Variants in CSMD1 observed in about 807,000 individuals in gnomAD.
The protein encoded by CSMD1 is CUB and sushi domain-containing protein 1.
A neutral mutation model predicts 417.5 loss-of-function variants in CSMD1; 213 were observed. The observed-to-expected ratio is 0.51, with a 90% CI of 0.46 to 0.57. The LOEUF (loss-of-function observed/expected upper bound fraction) is 0.57. CSMD1 is among the 20% of genes least tolerant of loss of function. The pLI is 0.00. For synonymous variants in CSMD1, 2,862 were observed against 1,736.8 expected (o/e 1.65, Z -16.11); for missense variants, 6,923 against 4,529.7 (o/e 1.53, Z -15.17).
At chr8:4,382,316 T>C (rs150753367) in intron 3 of CSMD1, among the ~76,000 whole-genome samples, 8 of 152,354 alleles carry the variant, frequency 5.3e-5, no homozygotes, top group East Asian at 1.9e-4. Flanking sequence ...AGAGGAGTTA[T>C]ATGTGCACTT....
intron 3 of CSMD1, among the ~76,000 whole-genome samples, chr8:4,130,600 T>C (rs1803039543): frequency 6.6e-6 from 1 of 152,160 alleles, no homozygotes; most frequent in South Asian, 2.1e-4. Context: ...CAAAATTGTA[T>C]TACGCTCTTG....
intron 3 of CSMD1, among the ~76,000 whole-genome samples, chr8:4,205,923 C>G (rs183468010): frequency 1.3e-5 from 2 of 152,152 alleles, no homozygotes. Context: ...CCTGCAGCCA[C>G]GTTTTTCTGA....
In CSMD1 at chr8:4,790,467, T is replaced by A. The variant is rs187590574; in HGVS notation, c.86-152909A>T. Among the ~76,000 whole-genome samples, 1,075 of 152,150 alleles carry A rather than the reference T, an allele frequency of 7.1e-3. 12 individuals are homozygous for A. Among genetic ancestry groups the A allele is most frequent in the African/African-American group, 0.025 (1,035 of 41,494 alleles). On this transcript the variant is annotated intron_variant, in intron 1 of 69. Coordinates refer to ENST00000635120, the MANE Select transcript of CSMD1 (RefSeq NM_033225.6). ...ACTACCAATAACATTTTCCACAGAA[T>A]GAGAAAAAAACTCTTCTAAAATTTA...
At chr8:4,076,060 G>C (rs377595996) in intron 3 of CSMD1, among the ~76,000 whole-genome samples, 2 of 152,212 alleles carry the variant, frequency 1.3e-5, no homozygotes, top group African/African-American at 4.8e-5. Flanking sequence ...TGGTTTGGCT[G>C]TGTCCCCACC....
chr8:2,985,738 G>C (rs1191226558), intron 54 of CSMD1, among the ~76,000 whole-genome samples: 2 of 152,180 alleles, frequency 1.3e-5, no homozygotes, highest in African/African-American at 4.8e-5. Flanking sequence ...TGGGAAATCA[G>C]GCAAGGCCTT....
intron 1 of CSMD1, among the ~76,000 whole-genome samples, chr8:4,917,504 G>T (rs1294199688): frequency 6.6e-6 from 1 of 152,024 alleles, no homozygotes; most frequent in Non-Finnish European, 1.5e-5. Context: ...CATGGTGGCG[G>T]GTGCCTGTAC....
intron 1 of CSMD1, among the ~76,000 whole-genome samples, chr8:4,967,380 A>G (rs889783038): frequency 2.0e-5 from 3 of 152,182 alleles, no homozygotes; most frequent in Non-Finnish European, 4.4e-5. Context: ...CTGCCATGAT[A>G]AAGCCATTTT....
At chr8:3,688,437 G>A (rs964513832) in intron 7 of CSMD1, among the ~76,000 whole-genome samples, 1 of 152,190 alleles carries the variant, frequency 6.6e-6, no homozygotes, top group Non-Finnish European at 1.5e-5. Context: ...ACTGCTACAT[G>A]ATTTGAGGCA....
At chr8:4,717,226 T>C (rs1441942938) in intron 1 of CSMD1, among the ~76,000 whole-genome samples, 2 of 151,036 alleles carry the variant, frequency 1.3e-5, no homozygotes, top group Non-Finnish European at 2.9e-5. Context: ...TCCAAATACA[T>C]AACATAGCTA....
chr8:4,318,073 T>A (rs13250518), intron 3 of CSMD1, among the ~76,000 whole-genome samples: 1 of 152,162 alleles, frequency 6.6e-6, no homozygotes, highest in East Asian at 1.9e-4. Flanking sequence ...CACGTAAGTG[T>A]GACATTTAGT....
At chr8:4,064,494 G>A (rs1799141623) in intron 3 of CSMD1, among the ~76,000 whole-genome samples, 1 of 152,194 alleles carries the variant, frequency 6.6e-6, no homozygotes, top group South Asian at 2.1e-4. Context: ...GCATGTGCCT[G>A]CAAATGTGAG....
intron 3 of CSMD1, among the ~76,000 whole-genome samples, chr8:4,181,582 C>A (rs1798379848): frequency 6.6e-6 from 1 of 152,104 alleles, no homozygotes; most frequent in Admixed American, 6.6e-5. Flanking sequence ...TACTGGGCCA[C>A]AGGATGGAAA....
chr8:4,045,906 A>G (rs1035677281), intron 3 of CSMD1, among the ~76,000 whole-genome samples: 11 of 152,034 alleles, frequency 7.2e-5, no homozygotes, highest in Admixed American at 4.6e-4. Flanking sequence ...TGGTGAACAC[A>G]CACAGGTATT....
chr8:3,884,516 G>A (rs75895499), intron 5 of CSMD1, among the ~76,000 whole-genome samples: 1,739 of 152,168 alleles, frequency 0.011, 29 homozygotes, highest in African/African-American at 0.04. Context: ...CTCCTCCTTC[G>A]GGGTCCCAAC....
In CSMD1 at chr8:2,971,805, G is replaced by A. The variant is rs369861166; in HGVS notation, c.8923+1312C>T. ...AAACAAAAGTATGATCCTGCAATTC[G>A]TGACTATGGGTAACCATTTCTCACT... On this transcript the variant is annotated intron_variant, in intron 57 of 69. Transcript: ENST00000635120. 9.9e-5 allele frequency among the ~76,000 whole-genome samples: 15 copies of A among 152,194 alleles called. No individual in the cohort carries two copies. The East Asian group carries it at 1.4e-3, about 14-fold the overall frequency.
intron 1 of CSMD1, among the ~76,000 whole-genome samples, chr8:4,638,867 C>A (rs1042859816): frequency 6.6e-6 from 1 of 152,188 alleles, no homozygotes; most frequent in Non-Finnish European, 1.5e-5. Flanking sequence ...CATTCTGCCT[C>A]TGCCTCTGAA....
chr8:2,975,654 A>G (rs1804850825), intron 55 of CSMD1, among the ~76,000 whole-genome samples: 2 of 152,252 alleles, frequency 1.3e-5, no homozygotes, highest in African/African-American at 4.8e-5. Flanking sequence ...GAAATGCTGG[A>G]TAAATGACCA....
At chr8:3,502,337 C>G in intron 10 of CSMD1, among the ~76,000 whole-genome samples, 1 of 134,892 alleles carries the variant, frequency 7.4e-6, no homozygotes, top group East Asian at 2.2e-4. Context: ...TGCACTGCAG[C>G]CTGGGGGACA....
chr8:3,765,459 G>A (rs774752997), intron 5 of CSMD1, among the ~76,000 whole-genome samples: 59 of 152,174 alleles, frequency 3.9e-4, no homozygotes, highest in Non-Finnish European at 6.9e-4. Flanking sequence ...ATTAATGGTT[G>A]TGTAGAGGTC....
Sources: allele counts gnomAD v4.1 joint callset (sites outside exome capture counted in the v4.1 genomes callset), GRCh38; gene constraint gnomAD v4.1.1; transcripts MANE v1.5; gene names NCBI Gene and HGNC (gene_info 2026-07-23, HGNC 2026-07-21).